SCLT1: variants seen among roughly 807,000 people sequenced by gnomAD.
The protein encoded by SCLT1 is sodium channel and clathrin linker 1.
A neutral mutation model predicts 112.8 loss-of-function variants in SCLT1; 78 were observed. The ratio of observed to expected loss-of-function variants is 0.69; its 90% CI spans 0.58 to 0.83. The LOEUF (loss-of-function observed/expected upper bound fraction) is 0.83, where lower values mean the gene tolerates loss of function less well. SCLT1 is among the 40% of genes least tolerant of loss of function. The pLI is 0.00. For synonymous variants in SCLT1, 257 were observed against 254.7 expected (o/e 1.01, Z -0.09); for missense variants, 747 against 770.4 (o/e 0.97, Z 0.36).
At chr4:128,889,742 T>C (rs1733167025) in intron 19 of SCLT1, among the ~76,000 whole-genome samples, 1 of 152,190 alleles carries the variant, frequency 6.6e-6, no homozygotes, top group Non-Finnish European at 1.5e-5. Flanking sequence ...TTATAGTACA[T>C]CTGAAAAAAA....
At chr4:129,078,896 G>A (rs974243115) in intron 2 of SCLT1, among the ~76,000 whole-genome samples, 7 of 152,292 alleles carry the variant, frequency 4.6e-5, no homozygotes, top group African/African-American at 1.7e-4. Context: ...CCTGGCTGGG[G>A]AGGCCTCAGG....
intron 18 of SCLT1, among the ~76,000 whole-genome samples, chr4:128,932,311 T>C (rs752927624): frequency 4.6e-5 from 7 of 152,134 alleles, no homozygotes; most frequent in Non-Finnish European, 1.0e-4. Context: ...ATGGCATGAA[T>C]TAAAGTGTTT....
chr4:128,880,639 A>G (rs1321407141), downstream of SCLT1, among the ~76,000 whole-genome samples: 1 of 152,248 alleles, frequency 6.6e-6, no homozygotes, highest in African/African-American at 2.4e-5. Context: ...TCTGTCCAAC[A>G]GTGTGATTCA....
At chr4:128,976,965 C>G (rs1741228639) in intron 9 of SCLT1, among the ~76,000 whole-genome samples, 1 of 152,116 alleles carries the variant, frequency 6.6e-6, no homozygotes, top group Non-Finnish European at 1.5e-5. Flanking sequence ...AAATGGGAAA[C>G]TGTACCAATA....
intron 8 of SCLT1, among the ~76,000 whole-genome samples, chr4:128,993,060 T>C (rs1409199811): frequency 1.3e-5 from 2 of 152,014 alleles, no homozygotes; most frequent in African/African-American, 2.4e-5. Flanking sequence ...ATAGCTTTCA[T>C]TGTGCTTCTC....
intron 2 of SCLT1, among the ~76,000 whole-genome samples, chr4:129,076,612 A>C (rs1157189426): frequency 2.0e-5 from 3 of 152,068 alleles, no homozygotes; most frequent in Non-Finnish European, 4.4e-5. Context: ...CCCTCAGTAG[A>C]TACATATACC....
In SCLT1 at chr4:129,025,373, G is replaced by T. The variant is rs1237626795; in HGVS notation, c.290+13668C>A. Among the ~76,000 whole-genome samples, 4 of 152,344 alleles carry T rather than the reference G, an allele frequency of 2.6e-5. No homozygotes were observed. The East Asian group carries it at 7.7e-4, about 29-fold the overall frequency. ...CTCTTGGCAGAAACGCTACAAGCCA[G>T]AAGAGAGTGGGGGCCAATATTCAAC... On this transcript the variant is annotated intron_variant, in intron 5 of 20. Coordinates refer to ENST00000281142, the MANE Select transcript of SCLT1 (RefSeq NM_144643.4).
chr4:129,033,502 T>TAAAAAA lies in SCLT1; in HGVS notation c.290+5533_290+5538dup, dbSNP rs56325033. On this transcript the variant is annotated intron_variant, in intron 5 of 20. Transcript: ENST00000281142. ...TGCCCATGTATCCCAGAACTTAAAG[T>TAAAAAA]AAAAAAAAAAAAAAAAAAAAAAAAA... Among the ~76,000 whole-genome samples, 177 of 44,300 alleles carry TAAAAAA rather than the reference T, an allele frequency of 4.0e-3. 3 individuals are homozygous for TAAAAAA. Among genetic ancestry groups the TAAAAAA allele is most frequent in the Non-Finnish European group, 5.5e-3 (132 of 23,954 alleles). The allele number at this position is 44,300 out of a possible 152,430, so 29.1% of individuals were successfully genotyped here.
At chr4:129,065,033 TTTGCTTATTC>T (rs1397498970) in intron 2 of SCLT1, among the ~76,000 whole-genome samples, 2 of 152,108 alleles carry the variant, frequency 1.3e-5, no homozygotes, top group East Asian at 1.9e-4. Flanking sequence ...TATTTTTTTC[TTTGCTTATTC>T]TTGCTTATTC....
intron 18 of SCLT1, among the ~76,000 whole-genome samples, chr4:128,898,166 A>C (rs1312676015): frequency 1.3e-5 from 2 of 151,786 alleles, no homozygotes; most frequent in African/African-American, 4.8e-5. Flanking sequence ...CTCCATACCA[A>C]GCAGACCTAA....
Position 128,936,863 on chromosome 4 carries a change from A to T in SCLT1, c.1633-12T>A. ...TCCATTGTACTGATCTAAAGAATAA[A>T]ATGAAAACGTATTTTCTTTTTCTTT... On this transcript the variant is annotated splice_polypyrimidine_tract_variant and intron_variant, in intron 17 of 20. Coordinates refer to ENST00000281142, the MANE Select transcript of SCLT1 (RefSeq NM_144643.4). 7.2e-7 allele frequency: 1 copy of T among 1,379,474 alleles called. No individual in the cohort carries two copies. The highest frequency in any genetic ancestry group is 1.0e-6 in the Non-Finnish European group (1 of 1,003,896). 85.5% of individuals were successfully genotyped at this position (1,379,474 alleles called of 1,614,324 possible).
chr4:128,953,031 GTA>G (rs1560886023), intron 13 of SCLT1, among the ~76,000 whole-genome samples, 191 bp from the exon 14 acceptor site: 1 of 152,008 alleles, frequency 6.6e-6, no homozygotes, highest in Non-Finnish European at 1.5e-5. Context: ...GAATAGAATG[GTA>G]TATCCAAAAG....
At chr4:128,973,655 A>G (rs1740899312) in intron 9 of SCLT1, among the ~76,000 whole-genome samples, 1 of 152,210 alleles carries the variant, frequency 6.6e-6, no homozygotes, top group Non-Finnish European at 1.5e-5. Flanking sequence ...TATTCCAAAT[A>G]TATATTATCT....
intron 9 of SCLT1, among the ~76,000 whole-genome samples, chr4:128,986,105 T>A (rs997764509): frequency 9.2e-5 from 14 of 152,206 alleles, no homozygotes; most frequent in Non-Finnish European, 1.9e-4. Flanking sequence ...CAGTTTTTCA[T>A]TACCCATACA....
intron 20 of SCLT1, among the ~76,000 whole-genome samples, chr4:128,887,955 A>C (rs1388456473): frequency 6.6e-6 from 1 of 152,186 alleles, no homozygotes; most frequent in African/African-American, 2.4e-5. Flanking sequence ...TCTGTTAGTG[A>C]ATCTCTGCCT....
At chr4:129,022,827 C>T (rs1745615351) in intron 5 of SCLT1, among the ~76,000 whole-genome samples, 1 of 152,020 alleles carries the variant, frequency 6.6e-6, no homozygotes, top group Non-Finnish European at 1.5e-5. Context: ...GAAGAGCAAC[C>T]CTAAGTCACA....
At chr4:129,081,298 T>C (rs1296628446) in intron 2 of SCLT1, among the ~76,000 whole-genome samples, 1 of 152,176 alleles carries the variant, frequency 6.6e-6, no homozygotes, top group East Asian at 1.9e-4. Flanking sequence ...AACCAATAAA[T>C]TAGGTGGAGC....
At chr4:128,881,790 A>G (rs1200490740), downstream of SCLT1, among the ~76,000 whole-genome samples, 1 of 152,198 alleles carries the variant, frequency 6.6e-6, no homozygotes, top group Non-Finnish European at 1.5e-5. Flanking sequence ...ACATTTTTAC[A>G]TTGGAAATTA....
chr4:129,060,021 A>G (rs1371162813), intron 2 of SCLT1, among the ~76,000 whole-genome samples: 1 of 152,116 alleles, frequency 6.6e-6, no homozygotes, highest in African/African-American at 2.4e-5. Flanking sequence ...TAAGTACTGT[A>G]GCCTTTGTTA....
Sources: gnomAD v4.1 joint callset for allele counts (sites outside exome capture counted in the v4.1 genomes callset) on GRCh38, gnomAD v4.1.1 for gene constraint, MANE v1.5 for transcripts, NCBI Gene and HGNC (gene_info 2026-07-23, HGNC 2026-07-21) for gene names.